Variants in CLCN3 observed in about 807,000 individuals in gnomAD.
The protein encoded by CLCN3 is H(+)/Cl(-) exchange transporter 3.
Under a neutral mutation model 83.4 loss-of-function variants are expected in CLCN3, and 16 were observed. The ratio of observed to expected loss-of-function variants is 0.19; its 90% CI spans 0.13 to 0.29. The LOEUF (loss-of-function observed/expected upper bound fraction) is 0.29, where lower values mean the gene tolerates loss of function less well. Among genes scored for constraint, CLCN3 ranks in the 10% least tolerant of loss-of-function variants. CLCN3 has a pLI of 1.00. For synonymous variants in CLCN3, 322 were observed against 346.2 expected (o/e 0.93, Z 0.78); for missense variants, 544 against 1,006.0 (o/e 0.54, Z 6.21).
At chr4:169,710,565 G>A (rs541371427) in intron 11 of CLCN3, among the ~76,000 whole-genome samples, 2 of 152,250 alleles carry the variant, frequency 1.3e-5, no homozygotes, top group East Asian at 1.9e-4. Flanking sequence ...CACACCTGGC[G>A]AAAAGTGTTA....
intron 12 of CLCN3, 102 bp downstream of exon 12, chr4:169,713,397 G>C (rs1015136000): frequency 1.1e-6 from 1 of 870,838 alleles, no homozygotes; most frequent in African/African-American, 1.7e-5. Context: ...CAGCTCCCAG[G>C]TGGGAAAGTC....
intron 12 of CLCN3, chr4:169,717,740 A>G (rs1581294880): frequency 8.7e-7 from 1 of 1,155,326 alleles, no homozygotes; most frequent in East Asian, 2.4e-5. Flanking sequence ...ATGATTGGAA[A>G]CTCTTTTAAT....
At chr4:169,636,735 G>T (rs202104447) in intron 2 of CLCN3, among the ~76,000 whole-genome samples, 31 of 119,502 alleles carry the variant, frequency 2.6e-4, no homozygotes, top group African/African-American at 3.6e-4. Context: ...TCATTATTTG[G>T]TTTTTTTTTT....
At position 169,720,140 on chromosome 4, in the gene CLCN3, C is replaced by A; in HGVS notation, c.*143C>A. The A allele has an allele frequency of 7.8e-7, 1 of 1,273,924 alleles. No homozygotes were observed. Among genetic ancestry groups the A allele is most frequent in the Non-Finnish European group, 1.1e-6 (1 of 914,884 alleles). The allele number at this position is 1,273,924 out of a possible 1,614,324, so 78.9% of individuals were successfully genotyped here. On this transcript the variant is annotated 3_prime_UTR_variant, in exon 13 of 13. Transcript: ENST00000513761. The stretch of plus-strand genomic sequence containing the variant: ...AAATATAAAAGCCGGGTTTTTGCAA[C>A]ATGGTTTGCAAATAATGCTGGTGGA...
At chr4:169,687,537 T>A in intron 3 of CLCN3, 121 bp from the exon 4 acceptor site, 1 of 578,614 alleles carries the variant, frequency 1.7e-6, no homozygotes, top group South Asian at 2.7e-5. Context: ...ACTTACCTTT[T>A]CCATTATTTA....
intron 12 of CLCN3, 67 bp downstream of exon 12, chr4:169,713,362 A>G (rs1433932453): frequency 7.8e-7 from 1 of 1,289,374 alleles, no homozygotes; most frequent in Non-Finnish European, 1.1e-6. Flanking sequence ...TGGAATCTAT[A>G]TAGTTATTAG....
chr4:169,673,031 A>G (rs1439721148), intron 2 of CLCN3, among the ~76,000 whole-genome samples: 1 of 152,164 alleles, frequency 6.6e-6, no homozygotes, highest in East Asian at 1.9e-4. Context: ...GTGCAATAGG[A>G]TTATTTTAAA....
intron 1 of CLCN3, among the ~76,000 whole-genome samples, chr4:169,629,461 C>T (rs1376344351): frequency 6.6e-6 from 1 of 151,932 alleles, no homozygotes; most frequent in Admixed American, 6.6e-5. Context: ...ACCTCTGCCT[C>T]CTGGGCTCAA....
chr4:169,706,155 A>G (rs965856440), intron 10 of CLCN3, among the ~76,000 whole-genome samples: 3 of 152,070 alleles, frequency 2.0e-5, no homozygotes, highest in Admixed American at 6.5e-5. Flanking sequence ...CAGCCTCCCA[A>G]GTAGCTGGGA....
In CLCN3 at chr4:169,704,086, A is replaced by G. The variant is rs767015898; in HGVS notation, c.1652A>G (p.Tyr551Cys). The G allele has an allele frequency of 6.2e-7, 1 of 1,614,054 alleles. No individual in the cohort carries two copies. Among genetic ancestry groups the G allele is most frequent in the South Asian group, 1.1e-5 (1 of 91,078 alleles). The change falls in exon 10 of 13, where the codon TAT (tyrosine) becomes TGT (cysteine). Residue 551 changes from tyrosine to cysteine, a missense_variant. Tyr to Cys is a radical substitution (Grantham distance 194). Around this residue, in one of 6 missense-constraint regions of CLCN3, gnomAD observed 194 missense variants for 341.4 expected, o/e 0.57. Coordinates refer to ENST00000513761, the MANE Select transcript of CLCN3 (RefSeq NM_001829.4). ...ATTGCGGTGGAGCAGCTTGCCTACT[A>G]TCACCACGACTGGTTTATCTTTAAG... ...VGIAVEQLAY[Y>C]HHDWFIFKEW...
intron 12 of CLCN3, chr4:169,717,793 A>G: frequency 1.9e-6 from 3 of 1,603,078 alleles, no homozygotes; most frequent in Non-Finnish European, 2.6e-6. Flanking sequence ...CTGTTTCAGG[A>G]TTGTCTTGGG....
intron 6 of CLCN3, among the ~76,000 whole-genome samples, chr4:169,690,858 G>A (rs1017188584): frequency 3.9e-5 from 6 of 152,114 alleles, no homozygotes; most frequent in Admixed American, 3.3e-4. Context: ...TGTGAAGGCT[G>A]ATTTTTTTTT....
At chr4:169,621,442 G>T (rs1332520808) in intron 1 of CLCN3, among the ~76,000 whole-genome samples, 2 of 152,114 alleles carry the variant, frequency 1.3e-5, no homozygotes, top group African/African-American at 2.4e-5. Flanking sequence ...ATATATATTT[G>T]TGGTTTGATC....
At chr4:169,642,064 C>A (rs1730429145) in intron 2 of CLCN3, among the ~76,000 whole-genome samples, 1 of 151,940 alleles carries the variant, frequency 6.6e-6, no homozygotes, top group African/African-American at 2.4e-5. Flanking sequence ...ATAAAAGTTA[C>A]CAATATACAT....
chr4:169,718,859 TATA>T (rs908026033), intron 12 of CLCN3, among the ~76,000 whole-genome samples: 18 of 152,240 alleles, frequency 1.2e-4, no homozygotes, highest in African/African-American at 3.9e-4. Flanking sequence ...CTGCTTCACC[TATA>T]ATAATCTTTT....
In CLCN3 at chr4:169,692,093, G is replaced by A. The variant is rs1175926986; in HGVS notation, c.730-21G>A. The A allele has an allele frequency of 7.1e-6, 10 of 1,416,378 alleles. No individual in the cohort carries two copies. The East Asian group carries it at 2.3e-4, about 32-fold the overall frequency. The allele number at this position is 1,416,378 out of a possible 1,614,324, so 87.7% of individuals were successfully genotyped here. ...CATGTTTCTTAAAGGACATTAAGCT[G>A]CCTTAATCTTTGCCTTGTAGATTAA... On this transcript the variant is annotated intron_variant, in intron 6 of 12. Transcript: ENST00000513761.
Position 169,706,816 on chromosome 4 carries a change from G to A in CLCN3, c.1751-52G>A, listed in dbSNP as rs139541306. 3,503 of 1,488,096 alleles carry A rather than the reference G, an allele frequency of 2.4e-3. 5 individuals carry two copies. Among genetic ancestry groups the A allele is most frequent in the Non-Finnish European group, 2.9e-3 (3,192 of 1,097,034 alleles). The allele number at this position is 1,488,096 out of a possible 1,614,324, so 92.2% of individuals were successfully genotyped here. A position where few individuals can be genotyped will look rare whatever the true frequency, so the allele number is the denominator to read the frequency against. On this transcript the variant is annotated intron_variant, in intron 10 of 12. Coordinates refer to ENST00000513761, the MANE Select transcript of CLCN3 (RefSeq NM_001829.4). ...CCTAGTGCAAAAATTCTAATAAAATGTAATGATGAGGATCCTGTCCTTCCT... is the reference window on the plus strand; with the variant it reads ...CCTAGTGCAAAAATTCTAATAAAATATAATGATGAGGATCCTGTCCTTCCT...
At chr4:169,693,545 TC>T (rs1364259506) in intron 7 of CLCN3, among the ~76,000 whole-genome samples, 5 of 152,134 alleles carry the variant, frequency 3.3e-5, no homozygotes, top group African/African-American at 4.8e-5. Context: ...AATTCATTTT[TC>T]TTTGACTTCA....
At chr4:169,683,067 AC>A (rs926727457) in intron 3 of CLCN3, among the ~76,000 whole-genome samples, 5 of 152,238 alleles carry the variant, frequency 3.3e-5, no homozygotes, top group Non-Finnish European at 7.3e-5. Context: ...TTAGGTAAAT[AC>A]ATTTGTACTT....
Sources: gnomAD v4.1 joint callset for allele counts (sites outside exome capture counted in the v4.1 genomes callset) on GRCh38, gnomAD v4.1.1 for gene constraint, gnomAD v4.1.1 regional missense constraint, MANE v1.5 for transcripts, NCBI Gene and HGNC (gene_info 2026-07-23, HGNC 2026-07-21) for gene names.